Variants in MXI1 observed in about 807,000 individuals in gnomAD.
The protein encoded by MXI1 is MAX interactor 1, dimerization protein, also known as max-interacting protein 1.
MXI1 carries 18 observed loss-of-function variants against 36.9 expected under a neutral mutation model. That is an observed-to-expected ratio of 0.49 (90% confidence interval 0.34 to 0.72). The LOEUF is 0.72. Among genes scored for constraint, MXI1 ranks in the 30% least tolerant of loss-of-function variants. The pLI is 0.01. For synonymous variants in MXI1, 160 were observed against 146.7 expected (o/e 1.09, Z -0.65); for missense variants, 304 against 379.1 (o/e 0.80, Z 1.64).
At chr10:110,262,825 T>G (rs556456959) in intron 3 of MXI1, among the ~76,000 whole-genome samples, 1 of 151,904 alleles carries the variant, frequency 6.6e-6, no homozygotes, top group South Asian at 2.1e-4. Context: ...CAGACCAGAG[T>G]TTTTTACACT....
chr10:110,255,962 G>C (rs1177095043), intron 3 of MXI1, among the ~76,000 whole-genome samples: 1 of 152,124 alleles, frequency 6.6e-6, no homozygotes, highest in Non-Finnish European at 1.5e-5. Context: ...ACTGACCAAA[G>C]AACAGACTTA....
intron 2 of MXI1, among the ~76,000 whole-genome samples, chr10:110,234,997 T>C (rs1435089629): frequency 6.6e-6 from 1 of 152,194 alleles, no homozygotes; most frequent in Non-Finnish European, 1.5e-5. Context: ...AAAAAGTCAA[T>C]TAATACTAAA....
At chr10:110,259,070 C>T (rs192065542) in intron 3 of MXI1, among the ~76,000 whole-genome samples, 8 of 152,158 alleles carry the variant, frequency 5.3e-5, no homozygotes, top group Non-Finnish European at 1.0e-4. Flanking sequence ...TGAAATTCAG[C>T]TTCTAAAATT....
intron 1 of MXI1, among the ~76,000 whole-genome samples, chr10:110,217,692 G>A (rs1479514144): frequency 6.6e-6 from 1 of 152,208 alleles, no homozygotes; most frequent in Non-Finnish European, 1.5e-5. Context: ...AGGGAGCCAA[G>A]CTCTGTGCTT....
At chr10:110,215,548 G>A (rs1295326500) in intron 1 of MXI1, among the ~76,000 whole-genome samples, 1 of 152,150 alleles carries the variant, frequency 6.6e-6, no homozygotes, top group African/African-American at 2.4e-5. Flanking sequence ...TGGGTTCCAG[G>A]TAGAGTCCCA....
chr10:110,286,157 A>G lies in MXI1; in HGVS notation c.*1170A>G, dbSNP rs1857421372. The G allele has an allele frequency of 6.8e-6, 1 of 147,290 alleles. No individual in the cohort carries two copies. The highest frequency in any genetic ancestry group is 1.5e-5 in the Non-Finnish European group (1 of 66,932). The allele number at this position is 147,290 out of a possible 1,614,324, so 9.1% of individuals were successfully genotyped here. ...ACCAGCTTTTAACCATCTGATATCT[A>G]TAGTAGACACACTATCATAGTTAAC... On this transcript the variant is annotated 3_prime_UTR_variant, in exon 6 of 6. Coordinates refer to ENST00000332674, the MANE Select transcript of MXI1 (RefSeq NM_130439.3).
At chr10:110,214,320 G>C (rs1421051512) in intron 1 of MXI1, among the ~76,000 whole-genome samples, 2 of 152,194 alleles carry the variant, frequency 1.3e-5, no homozygotes, top group African/African-American at 2.4e-5. Context: ...GGAGTCAGAA[G>C]AGCCAACCAG....
rs1855512205 is a variant in MXI1, at chr10:110,237,406, A to T, written c.408-7422A>T. ...GAGTTTTTATCATGAATGGATGGTA[A>T]ATTTTATTTAAATGCTTTTTCTACA... On this transcript the variant is annotated intron_variant, in intron 2 of 5. Transcript: ENST00000332674. Among the ~76,000 whole-genome samples, 2 of 152,082 alleles carry T rather than the reference A, an allele frequency of 1.3e-5. 1 individual carries two copies. Among genetic ancestry groups the T allele is most frequent in the South Asian group, 4.1e-4 (2 of 4,826 alleles).
intron 2 of MXI1, among the ~76,000 whole-genome samples, chr10:110,229,899 C>G (rs1273506826): frequency 1.3e-5 from 2 of 151,992 alleles, no homozygotes; most frequent in East Asian, 1.9e-4. Flanking sequence ...ACATAGGAAA[C>G]TAGACCTGGG....
chr10:110,267,369 C>G (rs772404434), intron 3 of MXI1, among the ~76,000 whole-genome samples: 1 of 152,138 alleles, frequency 6.6e-6, no homozygotes, highest in East Asian at 1.9e-4. Context: ...TCTTGGAGGA[C>G]AGCCATCATA....
Position 110,228,322 on chromosome 10 carries a change from G to GT in MXI1, c.407+2dup. On this transcript the variant is annotated splice_donor_variant, in intron 2 of 5. Transcript: ENST00000332674. LOFTEE classifies it high-confidence loss of function. ...GCAGCAACACCAGCACTGCCAACAG[G>GT]TAGCAAGCTGGGAACGCTTAGAAGA... The GT allele has an allele frequency of 6.2e-7, 1 of 1,614,118 alleles. No homozygotes were observed. Among genetic ancestry groups the GT allele is most frequent in the East Asian group, 2.2e-5 (1 of 44,878 alleles).
At chr10:110,278,670 C>G (rs765508353) in intron 3 of MXI1, among the ~76,000 whole-genome samples, 1 of 151,760 alleles carries the variant, frequency 6.6e-6, no homozygotes, top group Non-Finnish European at 1.5e-5. Flanking sequence ...ATGTAACACA[C>G]TGTAGGATGG....
intron 3 of MXI1, chr10:110,257,692 A>G (rs900701997): frequency 2.8e-5 from 5 of 176,386 alleles, no homozygotes; most frequent in African/African-American, 2.4e-5. Context: ...CATGAAATGC[A>G]TGAAGGAAAA....
At chr10:110,220,334 A>T (rs1212512285) in intron 1 of MXI1, among the ~76,000 whole-genome samples, 1 of 152,222 alleles carries the variant, frequency 6.6e-6, no homozygotes, top group Non-Finnish European at 1.5e-5. Context: ...TTGTTCTAGG[A>T]TCTAGGGACA....
intron 2 of MXI1, among the ~76,000 whole-genome samples, chr10:110,231,105 G>A (rs778329708): frequency 6.6e-6 from 1 of 152,144 alleles, no homozygotes; most frequent in East Asian, 1.9e-4. Flanking sequence ...AGTGGCTCAC[G>A]CCTGTAATTC....
At chr10:110,278,484 G>C (rs1294471065) in intron 3 of MXI1, among the ~76,000 whole-genome samples, 2 of 152,078 alleles carry the variant, frequency 1.3e-5, no homozygotes, top group East Asian at 3.8e-4. Flanking sequence ...TTATTTTATG[G>C]GTTATTTCTG....
chr10:110,211,716 A>T (rs1257245532), intron 1 of MXI1, among the ~76,000 whole-genome samples: 2 of 152,150 alleles, frequency 1.3e-5, no homozygotes, highest in Non-Finnish European at 2.9e-5. Flanking sequence ...GAGGGGTTCA[A>T]ATTAAGTCAC....
chr10:110,227,640 G>A, intron 1 of MXI1: 1 of 830,478 alleles, frequency 1.2e-6, no homozygotes, highest in Non-Finnish European at 1.5e-6. Flanking sequence ...AACCGGTGGA[G>A]AGGGGCCTTT....
chr10:110,207,613 A>T lies in MXI1; in HGVS notation c.-196A>T, dbSNP rs1254418972. On this transcript the variant is annotated 5_prime_UTR_variant, in exon 1 of 6. Transcript: ENST00000332674. ...GGTTCATTCAATCTCCCATACACAC[A>T]GACTCACAGCGAGACCGACACACAC... The T allele has an allele frequency of 1.7e-5, 3 of 180,242 alleles. No homozygotes were observed. Among genetic ancestry groups the T allele is most frequent in the African/African-American group, 7.1e-5 (3 of 41,984 alleles). The allele number at this position is 180,242 out of a possible 1,614,324, so 11.2% of individuals were successfully genotyped here. A position where few individuals can be genotyped will look rare whatever the true frequency, so the allele number is the denominator to read the frequency against.
Sources: allele counts gnomAD v4.1 joint callset (sites outside exome capture counted in the v4.1 genomes callset), GRCh38; gene constraint gnomAD v4.1.1; transcripts MANE v1.5; gene names NCBI Gene and HGNC (gene_info 2026-07-23, HGNC 2026-07-21).